The following LOC128462377 variants were observed in gnomAD, a reference collection of about 807,000 sequenced individuals.
the LOC128462377 span, among the ~76,000 whole-genome samples, chr16:89,393,848 G>C: frequency 6.6e-6 from 1 of 152,178 alleles, no homozygotes; most frequent in African/African-American, 2.4e-5. Flanking sequence ...ATGTCAGACA[G>C]TGGGAATAAT....
the LOC128462377 span, among the ~76,000 whole-genome samples, chr16:89,405,987 G>A: frequency 9.3e-4 from 141 of 151,960 alleles, no homozygotes; most frequent in Middle Eastern, 3.4e-3. Flanking sequence ...GCACACACCT[G>A]CAATCTCGGC....
chr16:89,384,045 C>A, the LOC128462377 span, among the ~76,000 whole-genome samples: 11 of 152,288 alleles, frequency 7.2e-5, no homozygotes, highest in East Asian at 2.1e-3. Flanking sequence ...CATGGCAAAA[C>A]CCTGTCTCTA....
chr16:89,383,360 G>A, the LOC128462377 span, among the ~76,000 whole-genome samples: 13 of 152,200 alleles, frequency 8.5e-5, no homozygotes, highest in African/African-American at 2.9e-4. Flanking sequence ...CCATACCAAC[G>A]CTGACCTCCT....
the LOC128462377 span, among the ~76,000 whole-genome samples, chr16:89,394,190 C>G: frequency 6.6e-6 from 1 of 151,898 alleles, no homozygotes; most frequent in East Asian, 1.9e-4. Context: ...GTGGCAGGAG[C>G]CTCTGACCTG....
the LOC128462377 span, among the ~76,000 whole-genome samples, chr16:89,393,298 T>C: frequency 1.3e-5 from 2 of 151,834 alleles, no homozygotes; most frequent in South Asian, 2.1e-4. Flanking sequence ...CTCTTTTTTT[T>C]ACTTTTTTTA....
At chr16:89,337,071 A>G in the LOC128462377 span, among the ~76,000 whole-genome samples, 1 of 150,052 alleles carries the variant, frequency 6.7e-6, no homozygotes, top group African/African-American at 2.4e-5. Context: ...CTGCAGTCCC[A>G]GCTATTTGGG....
chr16:89,371,893 C>T, the LOC128462377 span, among the ~76,000 whole-genome samples: 2 of 152,226 alleles, frequency 1.3e-5, no homozygotes, highest in Non-Finnish European at 1.5e-5. Flanking sequence ...TGTGACTCCA[C>T]TGGCATCAAG....
At chr16:89,358,247 A>C in the LOC128462377 span, among the ~76,000 whole-genome samples, 5 of 152,174 alleles carry the variant, frequency 3.3e-5, no homozygotes, top group African/African-American at 1.2e-4. Flanking sequence ...TCCCGCATGG[A>C]GCTGTGCCGG....
At chr16:89,417,057 G>C in the LOC128462377 span, among the ~76,000 whole-genome samples, 20 of 152,240 alleles carry the variant, frequency 1.3e-4, no homozygotes, top group Non-Finnish European at 1.3e-4. Context: ...CACAGATTAA[G>C]AGAAGACAAT....
the LOC128462377 span, among the ~76,000 whole-genome samples, chr16:89,368,383 T>C: frequency 7.6e-6 from 1 of 132,120 alleles, no homozygotes; most frequent in African/African-American, 3.1e-5. Flanking sequence ...TTTTTTTTTT[T>C]TTTTTTTTTT....
At chr16:89,337,185 C>CA in the LOC128462377 span, among the ~76,000 whole-genome samples, 1 of 151,374 alleles carries the variant, frequency 6.6e-6, no homozygotes, top group Non-Finnish European at 1.5e-5. Context: ...GACCCTGTCT[C>CA]AAAAAACAAA....
chr16:89,383,455 T>A, the LOC128462377 span, among the ~76,000 whole-genome samples: 1 of 152,156 alleles, frequency 6.6e-6, no homozygotes, highest in Non-Finnish European at 1.5e-5. Flanking sequence ...GTATCTACCC[T>A]CCCTGATGGG....
the LOC128462377 span, among the ~76,000 whole-genome samples, chr16:89,384,873 AGTT>A: frequency 2.3e-5 from 2 of 86,384 alleles, no homozygotes; most frequent in African/African-American, 4.8e-5. Context: ...AATGAGAAAT[AGTT>A]TTCTTTTTTT....
chr16:89,398,080 A>T, the LOC128462377 span, among the ~76,000 whole-genome samples: 2 of 151,498 alleles, frequency 1.3e-5, no homozygotes, highest in Admixed American at 1.3e-4. Context: ...GCTGTGAAAC[A>T]GCTGAAGATT....
the LOC128462377 span, among the ~76,000 whole-genome samples, chr16:89,332,347 T>G: frequency 6.6e-6 from 1 of 152,156 alleles, no homozygotes; most frequent in Non-Finnish European, 1.5e-5. Flanking sequence ...CCCAAGCACC[T>G]CTGGTGGGCT....
chr16:89,347,705 G>A, the LOC128462377 span, among the ~76,000 whole-genome samples: 2 of 151,332 alleles, frequency 1.3e-5, no homozygotes, highest in Admixed American at 1.3e-4. Context: ...TTTCTAAAAT[G>A]TTGAGTATTG....
chr16:89,337,406 A>G, the LOC128462377 span, among the ~76,000 whole-genome samples: 1 of 138,374 alleles, frequency 7.2e-6, no homozygotes, highest in Non-Finnish European at 1.5e-5. Flanking sequence ...ACTGCACAAT[A>G]CATGAACATG....
chr16:89,360,049 C>T, the LOC128462377 span, among the ~76,000 whole-genome samples: 1 of 152,140 alleles, frequency 6.6e-6, no homozygotes, highest in Non-Finnish European at 1.5e-5. Context: ...GCTCCTCTCC[C>T]TCCTCCCGCC....
At chr16:89,391,353 A>C in the LOC128462377 span, among the ~76,000 whole-genome samples, 1 of 152,004 alleles carries the variant, frequency 6.6e-6, no homozygotes, top group Non-Finnish European at 1.5e-5. Flanking sequence ...GAGTGCTGGC[A>C]GTCTTGCGGG....
Sources: gnomAD v4.1 joint callset for allele counts (sites outside exome capture counted in the v4.1 genomes callset) on GRCh38, gnomAD v4.1.1 for gene constraint, MANE v1.5 for transcripts.